The following ZFP28 variants were observed in gnomAD, a reference collection of about 807,000 sequenced individuals.
ZFP28 encodes the protein zinc finger protein 28 homolog.
Under a neutral mutation model 39.5 loss-of-function variants are expected in ZFP28, and 31 were observed. The observed-to-expected ratio is 0.79, with a 90% CI of 0.59 to 1.06. ZFP28 has a LOEUF of 1.06. Among genes scored for constraint, ZFP28 ranks in the 50% least tolerant of loss-of-function variants. The pLI is 0.00. For missense variants in ZFP28, 925 were observed against 1,048.4 expected (o/e 0.88, Z 1.63); for synonymous variants, 400 against 378.6 (o/e 1.06, Z -0.66).
intron 2 of ZFP28, among the ~76,000 whole-genome samples, chr19:56,542,611 C>T (rs1479425366): frequency 6.6e-6 from 1 of 152,140 alleles, no homozygotes; most frequent in South Asian, 2.1e-4. Context: ...GGATTTGGGG[C>T]AGTTTTGCCT....
At chr19:56,549,473 C>A (rs941337989) in intron 5 of ZFP28, among the ~76,000 whole-genome samples, 7 of 152,016 alleles carry the variant, frequency 4.6e-5, no homozygotes, top group African/African-American at 1.7e-4. Context: ...GTCAGGAGAT[C>A]GAGACCATCC....
In ZFP28 at chr19:56,555,089, T is replaced by C; in HGVS notation, c.2304T>C (p.His768=). 6.2e-7 allele frequency: 1 copy of C among 1,614,218 alleles called. No homozygotes were observed. The highest frequency in any genetic ancestry group is 8.5e-7 in the Non-Finnish European group (1 of 1,180,032). The change falls in exon 8 of 8, where the codon CAT becomes CAC. Residue 768 remains histidine (H), a synonymous_variant. Coordinates refer to ENST00000301318, the MANE Select transcript of ZFP28 (RefSeq NM_020828.2). The part of the protein sequence containing the change: ...ECSVCGKAFS[H]RQSLSVHQRI... ...GTGTGTGTGGCAAAGCCTTTAGTCA[T>C]CGTCAATCCCTTAGTGTACATCAGA...
chr19:56,539,341 C>T, intron 1 of ZFP28, 115 bp downstream of exon 1: 2 of 1,130,206 alleles, frequency 1.8e-6, no homozygotes, highest in East Asian at 2.6e-5. Context: ...TGCCCCTGGT[C>T]TTTGAAGCTG....
chr19:56,537,751 AT>A (rs2147942698), upstream of ZFP28: 1 of 152,378 alleles, frequency 6.6e-6, no homozygotes, highest in East Asian at 1.9e-4. Context: ...AAAGAAATCA[AT>A]TCAAGAGTAA....
At position 56,554,243 on chromosome 19, in the gene ZFP28, A is replaced by G. The variant is rs2044329946; in HGVS notation, c.1458A>G (p.Ile486Met). 5 of 1,614,032 alleles carry G rather than the reference A, an allele frequency of 3.1e-6. No individual in the cohort carries two copies. The Admixed American group carries it at 6.7e-5, about 22-fold the overall frequency. ...GCATTGAGTGTGGGAAAGCTTTCAT[A>G]CAGAACACATCCCTTATCCGTCACT... Reference protein sequence around the residue: ...YECIECGKAFIQNTSLIRHWR... With the variant: ...YECIECGKAFMQNTSLIRHWR... The change falls in exon 8 of 8, where the codon ATA becomes ATG. Residue 486 changes from isoleucine (I) to methionine (M), a missense_variant. Ile to Met is a conservative substitution (Grantham distance 10). This residue lies in a region of ZFP28 where 369 missense variants were observed against 505.5 expected (regional missense o/e 0.73). Coordinates refer to ENST00000301318, the MANE Select transcript of ZFP28 (RefSeq NM_020828.2). The surrounding 1 kb of genome is among the most constrained non-coding windows in gnomAD (Gnocchi z 6.7).
chr19:56,547,693 C>A lies in ZFP28; in HGVS notation c.427+59C>A. On this transcript the variant is annotated intron_variant, in intron 3 of 7. Transcript: ENST00000301318. The surrounding 1 kb of genome is among the most constrained non-coding windows in gnomAD (Gnocchi z 4.6). Reference sequence around the variant, plus strand: ...CCTACCCACGTCCTGGACTAAGAAGCCTTTCATGCCTTTATCACCCAGACC... The same window carrying A: ...CCTACCCACGTCCTGGACTAAGAAGACTTTCATGCCTTTATCACCCAGACC... 4.4e-6 allele frequency: 7 copies of A among 1,582,538 alleles called. No homozygotes were observed. Among genetic ancestry groups the A allele is most frequent in the Non-Finnish European group, 6.0e-6 (7 of 1,163,598 alleles).
In ZFP28 at chr19:56,547,656, C is replaced by T. The variant is rs1420087729; in HGVS notation, c.427+22C>T. The T allele has an allele frequency of 4.7e-6, 6 of 1,281,442 alleles. No homozygotes were observed. The Middle Eastern group carries it at 7.9e-4, about 169-fold the overall frequency. 79.4% of individuals were successfully genotyped at this position (1,281,442 alleles called of 1,614,324 possible). A position where few individuals can be genotyped will look rare whatever the true frequency, so the allele number is the denominator to read the frequency against. ...CTGGGTAAGGGCTCCCACCCCTTTT[C>T]CCACCCCTCACCCTACCCACGTCCT... On this transcript the variant is annotated intron_variant, in intron 3 of 7. Transcript: ENST00000301318. This position sits in a 1 kb window ranked among gnomAD's most constrained non-coding sequence, Gnocchi z 4.6.
intron 2 of ZFP28, 107 bp downstream of exon 2, chr19:56,539,823 C>T: frequency 1.1e-5 from 11 of 1,011,318 alleles, no homozygotes; most frequent in Non-Finnish European, 1.5e-5. Flanking sequence ...TGTTTGGGCG[C>T]GGGTTTCTAT....
In ZFP28 at chr19:56,556,277, C is replaced by T. The variant is rs953267608; in HGVS notation, c.*885C>T. On this transcript the variant is annotated 3_prime_UTR_variant, in exon 8 of 8. Coordinates refer to ENST00000301318, the MANE Select transcript of ZFP28 (RefSeq NM_020828.2). ...TCTGTAAATAAAGTTTTGTTGGCTT[C>T]AGCCACACAGTGATTTACACCTTGA... The T allele has an allele frequency of 6.6e-5, 10 of 152,188 alleles. No individual in the cohort carries two copies. Among genetic ancestry groups the T allele is most frequent in the African/African-American group, 2.4e-4 (10 of 41,438 alleles). 9.4% of individuals were successfully genotyped at this position (152,188 alleles called of 1,614,324 possible). A position where few individuals can be genotyped will look rare whatever the true frequency, so the allele number is the denominator to read the frequency against.
At chr19:56,541,358 A>G (rs2044193779) in intron 2 of ZFP28, among the ~76,000 whole-genome samples, 1 of 152,150 alleles carries the variant, frequency 6.6e-6, no homozygotes, top group African/African-American at 2.4e-5. Context: ...GGCAGTTTTC[A>G]TCACATCTAT....
chr19:56,539,813 T>C, intron 2 of ZFP28, 97 bp downstream of exon 2: 1 of 1,109,076 alleles, frequency 9.0e-7, no homozygotes, highest in South Asian at 1.4e-5. Flanking sequence ...TTAAGAGACC[T>C]GTTTGGGCGC....
Position 56,555,333 on chromosome 19 carries a change from A to G in ZFP28, c.2548A>G (p.Asn850Asp). 1 of 1,613,882 alleles carries G rather than the reference A, an allele frequency of 6.2e-7. No homozygotes were observed. Among genetic ancestry groups the G allele is most frequent in the Non-Finnish European group, 8.5e-7 (1 of 1,179,972 alleles). Residue 850 changes from asparagine (N) to aspartate (D), a missense_variant, in exon 8 of 8, where the codon AAT becomes GAT. Physicochemically the swap from Asn to Asp is conservative, Grantham distance 23. Coordinates refer to ENST00000301318, the MANE Select transcript of ZFP28 (RefSeq NM_020828.2). ...STCPSLPSTS[N>D]PVDLFPKFLW... ...ATGCCCCTCTTTACCTTCCACGTCA[A>G]ATCCTGTGGATCTGTTTCCCAAATT... is the stretch of plus-strand genomic sequence containing the variant.
rs1163661877 is a variant in ZFP28 at position 56,547,859 on chromosome 19, G to A, written c.480G>A (p.Glu160=). 6.2e-7 allele frequency: 1 copy of A among 1,614,176 alleles called. No homozygotes were observed. The highest frequency in any genetic ancestry group is 1.1e-5 in the South Asian group (1 of 91,080). ...TCTCCTCGTTGGAACAAGGAAAAGAGCCTTGGACAGTGAAGCGAAAGATGA... is the reference window on the plus strand; with the variant it reads ...TCTCCTCGTTGGAACAAGGAAAAGAACCTTGGACAGTGAAGCGAAAGATGA... ...DVISSLEQGK[E]PWTVKRKMTR... is the part of the protein sequence containing the mutation. Residue 160 remains glutamate (E), a synonymous_variant, in exon 4 of 8, where the codon GAG becomes GAA. Transcript: ENST00000301318. The surrounding 1 kb of genome is among the most constrained non-coding windows in gnomAD (Gnocchi z 4.6).
At chr19:56,545,913 T>C (rs908911158) in intron 2 of ZFP28, 5 of 152,126 alleles carry the variant, frequency 3.3e-5, no homozygotes, top group Non-Finnish European at 7.3e-5. Flanking sequence ...AACACACAAA[T>C]GGGGACTGGG....
chr19:56,541,363 A>C (rs1350727793), intron 2 of ZFP28, among the ~76,000 whole-genome samples: 1 of 152,132 alleles, frequency 6.6e-6, no homozygotes, highest in Non-Finnish European at 1.5e-5. Context: ...TTTTCATCAC[A>C]TCTATCACCA....
rs556209312 is a variant in ZFP28 at position 56,538,970 on chromosome 19, T to G, written c.-49T>G. The G allele has an allele frequency of 1.9e-3, 2,430 of 1,307,210 alleles. 45 individuals carry two copies. The African/African-American group carries it at 0.033, about 18-fold the overall frequency. The allele number at this position is 1,307,210 out of a possible 1,614,324, so 81.0% of individuals were successfully genotyped here. On this transcript the variant is annotated 5_prime_UTR_variant, in exon 1 of 8. Transcript: ENST00000301318. ...TGGCGGGCGGGTGTGGCCAGGGGTG[T>G]GGGTCTGTGAGGGACCGGTCGGAAG...
At chr19:56,545,909 C>G (rs1352207459) in intron 2 of ZFP28, 3 of 152,152 alleles carry the variant, frequency 2.0e-5, no homozygotes, top group Non-Finnish European at 4.4e-5. Context: ...CTAGAACACA[C>G]AAATGGGGAC....
In ZFP28 at chr19:56,555,093, C is replaced by A; in HGVS notation, c.2308C>A (p.Gln770Lys). The A allele has an allele frequency of 6.2e-7, 1 of 1,614,190 alleles. No individual in the cohort carries two copies. The highest frequency in any genetic ancestry group is 8.5e-7 in the Non-Finnish European group (1 of 1,180,020). Residue 770 changes from glutamine to lysine, a missense_variant, in exon 8 of 8, where the codon CAA becomes AAA. By Grantham distance (53) the Gln-to-Lys change is moderately conservative. Transcript: ENST00000301318. Reference sequence around the variant, plus strand: ...GTGTGGCAAAGCCTTTAGTCATCGTCAATCCCTTAGTGTACATCAGAGAAT... The same window carrying A: ...GTGTGGCAAAGCCTTTAGTCATCGTAAATCCCTTAGTGTACATCAGAGAAT... ...SVCGKAFSHR[Q>K]SLSVHQRIHS...
Position 56,547,790 on chromosome 19 carries a change from GTTT to G in ZFP28, c.428-13_428-11del. On this transcript the variant is annotated splice_polypyrimidine_tract_variant and intron_variant, in intron 3 of 7. Coordinates refer to ENST00000301318, the MANE Select transcript of ZFP28 (RefSeq NM_020828.2). The surrounding 1 kb of genome is among the most constrained non-coding windows in gnomAD (Gnocchi z 4.6). ...GACAGCCACACAGTATGACCAGGTT[GTTT>G]TTTATGTGTCTAGGACTTTGTGTTT... The G allele has an allele frequency of 6.2e-7, 1 of 1,613,954 alleles. No individual in the cohort carries two copies. Among genetic ancestry groups the G allele is most frequent in the Non-Finnish European group, 8.5e-7 (1 of 1,179,898 alleles).
Sources: allele counts gnomAD v4.1 joint callset (sites outside exome capture counted in the v4.1 genomes callset), GRCh38; gene constraint gnomAD v4.1.1; regional missense constraint gnomAD v4.1.1; non-coding constraint Gnocchi (gnomAD v3.1); transcripts MANE v1.5; gene names NCBI Gene and HGNC (gene_info 2026-07-23, HGNC 2026-07-21).